The following QTGAL variants were observed in gnomAD, a reference collection of about 807,000 sequenced individuals.
QTGAL encodes the protein BGnT-like protein 1.
the QTGAL span, among the ~76,000 whole-genome samples, chr17:82,968,642 G>A: frequency 1.3e-4 from 20 of 152,350 alleles, no homozygotes; most frequent in African/African-American, 4.6e-4. Flanking sequence ...AGGGACAGAC[G>A]TCGCATCTGT....
At chr17:82,995,213 G>T in the QTGAL span, among the ~76,000 whole-genome samples, 3 of 151,892 alleles carry the variant, frequency 2.0e-5, no homozygotes, top group Non-Finnish European at 4.4e-5. Flanking sequence ...AGAAATAAAG[G>T]GCATCCAAAT....
chr17:83,029,441 G>T, the QTGAL span, among the ~76,000 whole-genome samples: 1 of 152,136 alleles, frequency 6.6e-6, no homozygotes, highest in East Asian at 1.9e-4. Context: ...CGCGGAATTT[G>T]GGCTGACGGT....
the QTGAL span, chr17:83,005,633 G>A: frequency 5.3e-5 from 37 of 703,086 alleles, no homozygotes; most frequent in South Asian, 1.6e-4. This position sits in a 1 kb window ranked among gnomAD's most constrained non-coding sequence, Gnocchi z 5.6. Context: ...CAGGCCGCCC[G>A]TCTGAACCTG....
the QTGAL span, among the ~76,000 whole-genome samples, chr17:82,970,727 G>A: frequency 2.4e-4 from 37 of 152,218 alleles, no homozygotes; most frequent in Admixed American, 7.8e-4. Flanking sequence ...TCACGTGGCC[G>A]AAGCCCTGGA....
the QTGAL span, among the ~76,000 whole-genome samples, chr17:82,978,077 C>T: frequency 6.6e-6 from 1 of 152,076 alleles, no homozygotes; most frequent in African/African-American, 2.4e-5. This position sits in a 1 kb window ranked among gnomAD's most constrained non-coding sequence, Gnocchi z 4.8. Flanking sequence ...TCCGTTGCTC[C>T]CCGAGTAATT....
the QTGAL span, among the ~76,000 whole-genome samples, chr17:82,972,651 C>G: frequency 8.0e-6 from 1 of 125,670 alleles, no homozygotes; most frequent in African/African-American, 3.5e-5. Context: ...GCCCACCACA[C>G]CACACTCATA....
At chr17:83,018,761 C>T in the QTGAL span, among the ~76,000 whole-genome samples, 6 of 152,182 alleles carry the variant, frequency 3.9e-5, no homozygotes, top group African/African-American at 1.4e-4. Context: ...AGCCATGGGT[C>T]GGACAGAGGT....
At chr17:82,994,663 A>G in the QTGAL span, among the ~76,000 whole-genome samples, 24 of 152,354 alleles carry the variant, frequency 1.6e-4, no homozygotes, top group South Asian at 1.2e-3. Context: ...TCCAAAAAAT[A>G]GAGGAGGAAG....
the QTGAL span, among the ~76,000 whole-genome samples, chr17:83,032,164 G>A: frequency 1.9e-4 from 12 of 61,772 alleles, no homozygotes; most frequent in Admixed American, 1.8e-4. Context: ...GGCCTCCGAC[G>A]CAGACCGAAC....
chr17:82,969,042 G>A, the QTGAL span, among the ~76,000 whole-genome samples: 1 of 151,470 alleles, frequency 6.6e-6, no homozygotes, highest in Non-Finnish European at 1.5e-5. Flanking sequence ...GCTGAGGCAG[G>A]AGAATCGCTT....
the QTGAL span, chr17:82,942,381 G>C: frequency 6.2e-7 from 1 of 1,608,308 alleles, no homozygotes; most frequent in Non-Finnish European, 8.5e-7. Flanking sequence ...AGAGGGGTGA[G>C]GGTCCCCTGG....
chr17:83,014,703 G>A, the QTGAL span, among the ~76,000 whole-genome samples: 1 of 152,208 alleles, frequency 6.6e-6, no homozygotes, highest in Admixed American at 6.5e-5. Context: ...TTACAGGCTT[G>A]AGCCACCATG....
the QTGAL span, chr17:82,957,358 C>T: frequency 6.2e-6 from 10 of 1,613,308 alleles, no homozygotes; most frequent in Non-Finnish European, 7.6e-6. Flanking sequence ...AGGATGCTCA[C>T]CTTGCGCTGG....
At chr17:83,033,715 C>T in the QTGAL span, among the ~76,000 whole-genome samples, 2 of 152,078 alleles carry the variant, frequency 1.3e-5, no homozygotes, top group Non-Finnish European at 2.9e-5. Context: ...TCGTGATCCA[C>T]CCGCCTCGGC....
chr17:83,026,380 C>G, the QTGAL span, among the ~76,000 whole-genome samples: 1 of 152,268 alleles, frequency 6.6e-6, no homozygotes, highest in South Asian at 2.1e-4. Context: ...GCCCAAAAGC[C>G]TGTCCACAGG....
the QTGAL span, among the ~76,000 whole-genome samples, chr17:82,992,311 A>T: frequency 6.6e-6 from 1 of 152,054 alleles, no homozygotes. Flanking sequence ...AGCAAGAGAA[A>T]AGAAACAAAT....
At chr17:82,996,674 C>G in the QTGAL span, among the ~76,000 whole-genome samples, 2 of 152,114 alleles carry the variant, frequency 1.3e-5, no homozygotes, top group African/African-American at 4.8e-5. Flanking sequence ...ATCAAAACAG[C>G]ATGGTACTTG....
At chr17:82,958,979 G>A in the QTGAL span, among the ~76,000 whole-genome samples, 29 of 112,502 alleles carry the variant, frequency 2.6e-4, no homozygotes, top group African/African-American at 7.8e-4. Flanking sequence ...TACACTGTGG[G>A]GGTGTATGGT....
At chr17:82,942,623 C>T in the QTGAL span, 11 of 894,896 alleles carry the variant, frequency 1.2e-5, no homozygotes, top group East Asian at 2.6e-5. Flanking sequence ...CCTCTCTGCA[C>T]CTGCGCTCTG....
Sources: gnomAD v4.1 joint callset for allele counts (sites outside exome capture counted in the v4.1 genomes callset) on GRCh38, gnomAD v4.1.1 for gene constraint, Gnocchi (gnomAD v3.1) non-coding constraint, MANE v1.5 for transcripts, NCBI Gene and HGNC (gene_info 2026-07-23, HGNC 2026-07-21) for gene names.